The following CAMKMT variants were observed in gnomAD, a reference collection of about 807,000 sequenced individuals.
CAMKMT encodes the protein CaM KMT.
CAMKMT carries 53 observed loss-of-function variants against 48.0 expected under a neutral mutation model. The observed-to-expected ratio is 1.10, with a 90% CI of 0.89 to 1.39. The LOEUF (loss-of-function observed/expected upper bound fraction) is 1.39, where lower values mean the gene tolerates loss of function less well. Among genes scored for constraint, CAMKMT ranks in the 40% most tolerant of loss-of-function variants. CAMKMT has a pLI of 0.00. For synonymous variants in CAMKMT, 165 were observed against 152.3 expected (o/e 1.08, Z -0.61); for missense variants, 428 against 402.7 (o/e 1.06, Z -0.54).
intron 7 of CAMKMT, among the ~76,000 whole-genome samples, chr2:44,726,384 T>C (rs1301722537): frequency 6.6e-6 from 1 of 152,234 alleles, no homozygotes; most frequent in Non-Finnish European, 1.5e-5. Context: ...TAATTAGTGA[T>C]GCTGGCATTT....
chr2:44,657,586 C>T lies in CAMKMT; in HGVS notation c.377-46697C>T, dbSNP rs965442386. Among the ~76,000 whole-genome samples, 3 of 152,084 alleles carry T rather than the reference C, an allele frequency of 2.0e-5. No individual in the cohort carries two copies. The highest frequency in any genetic ancestry group is 2.9e-5 in the Non-Finnish European group (2 of 67,992). ...GAATAGATGGACATAGAACTTTTTT[C>T]GGAACAATTCATGTCCCTGACTACA... On this transcript the variant is annotated intron_variant, in intron 3 of 10. Coordinates refer to ENST00000378494, the MANE Select transcript of CAMKMT (RefSeq NM_024766.5). This position sits in a 1 kb window ranked among gnomAD's most constrained non-coding sequence, Gnocchi z 4.3.
chr2:44,411,234 A>G (rs1215480311), intron 3 of CAMKMT, among the ~76,000 whole-genome samples: 2 of 152,208 alleles, frequency 1.3e-5, no homozygotes, highest in East Asian at 1.9e-4. Context: ...TTTTGTGAGT[A>G]ATATTCTGGC....
At chr2:44,765,241 C>G (rs1466202200) in intron 9 of CAMKMT, among the ~76,000 whole-genome samples, 1 of 151,762 alleles carries the variant, frequency 6.6e-6, no homozygotes, top group Non-Finnish European at 1.5e-5. Flanking sequence ...AAAAAAATGT[C>G]TAAAGGAGAT....
chr2:44,696,891 A>G (rs1676987033), intron 3 of CAMKMT, among the ~76,000 whole-genome samples: 1 of 152,306 alleles, frequency 6.6e-6, no homozygotes, highest in Admixed American at 6.5e-5. Flanking sequence ...TGCTTATAAA[A>G]GAAACATTCA....
At chr2:44,509,005 A>C (rs1670399720) in intron 3 of CAMKMT, among the ~76,000 whole-genome samples, 1 of 151,788 alleles carries the variant, frequency 6.6e-6, no homozygotes, top group Non-Finnish European at 1.5e-5. Flanking sequence ...CTGAGACAGG[A>C]GAATTGCTTG....
At chr2:44,574,411 G>C (rs935341609) in intron 3 of CAMKMT, among the ~76,000 whole-genome samples, 1 of 152,160 alleles carries the variant, frequency 6.6e-6, no homozygotes, top group East Asian at 1.9e-4. Flanking sequence ...GCAGATTTAG[G>C]CTGGCAGGAA....
intron 1 of CAMKMT, among the ~76,000 whole-genome samples, chr2:44,363,706 T>C (rs1006939057): frequency 4.7e-5 from 7 of 149,400 alleles, no homozygotes; most frequent in African/African-American, 1.5e-4. Context: ...TTTTTTTTTT[T>C]CGATACAGAG....
At chr2:44,395,459 A>G (rs1012202918) in intron 3 of CAMKMT, among the ~76,000 whole-genome samples, 1 of 152,172 alleles carries the variant, frequency 6.6e-6, no homozygotes, top group African/African-American at 2.4e-5. Context: ...ATACAGATAT[A>G]TACATATACA....
intron 3 of CAMKMT, among the ~76,000 whole-genome samples, chr2:44,466,186 A>T (rs1234426877): frequency 6.6e-6 from 1 of 152,336 alleles, no homozygotes; most frequent in South Asian, 2.1e-4. Flanking sequence ...TGGATCTAAC[A>T]GATATACAGA....
intron 7 of CAMKMT, among the ~76,000 whole-genome samples, chr2:44,735,087 A>T (rs918475220): frequency 6.6e-6 from 1 of 152,148 alleles, no homozygotes; most frequent in Non-Finnish European, 1.5e-5. Flanking sequence ...TGACCCTTTA[A>T]CATTGTAAAG....
chr2:44,574,041 T>A (rs1440364614), intron 3 of CAMKMT, among the ~76,000 whole-genome samples: 3 of 152,238 alleles, frequency 2.0e-5, no homozygotes, highest in Non-Finnish European at 4.4e-5. Flanking sequence ...AACGTTTGAA[T>A]CTACATATTG....
chr2:44,685,532 T>C (rs890821093), intron 3 of CAMKMT, among the ~76,000 whole-genome samples: 5 of 152,138 alleles, frequency 3.3e-5, no homozygotes, highest in Non-Finnish European at 7.4e-5. Context: ...CATTAACCAG[T>C]ACAAAGCTTA....
At position 44,448,616 on chromosome 2, in the gene CAMKMT, T is replaced by TA. The variant is rs576048909; in HGVS notation, c.376+58318dup. Reference sequence around the variant, plus strand: ...TTGTAAGTTAACCTTACTAATTCTGTAAAAAAAGTCCACCCAACTAAGAAC... The same window carrying TA: ...TTGTAAGTTAACCTTACTAATTCTGTAAAAAAAAGTCCACCCAACTAAGAAC... On this transcript the variant is annotated intron_variant, in intron 3 of 10. Coordinates refer to ENST00000378494, the MANE Select transcript of CAMKMT (RefSeq NM_024766.5). Among the ~76,000 whole-genome samples the TA allele has an allele frequency of 4.6e-5, 7 of 152,302 alleles. No individual in the cohort carries two copies. In the South Asian group the frequency reaches 1.0e-3, roughly 23 times the overall value.
At chr2:44,680,035 T>A (rs1032380208) in intron 3 of CAMKMT, among the ~76,000 whole-genome samples, 6 of 152,212 alleles carry the variant, frequency 3.9e-5, no homozygotes, top group African/African-American at 1.4e-4. Flanking sequence ...TCCTAGCAAA[T>A]GTCTGAAATA....
chr2:44,706,408 C>A (rs1453568292), intron 5 of CAMKMT, 67 bp downstream of exon 5: 1 of 1,503,390 alleles, frequency 6.7e-7, no homozygotes, highest in African/African-American at 1.4e-5. Context: ...TCCAGGGCCT[C>A]CAACTGCTGG....
At chr2:44,716,642 T>C (rs558557559) in intron 7 of CAMKMT, among the ~76,000 whole-genome samples, 1 of 152,316 alleles carries the variant, frequency 6.6e-6, no homozygotes, top group Non-Finnish European at 1.5e-5. Context: ...GGTCTGCCGT[T>C]ACCTGTGGGG....
rs564126337 is a variant in CAMKMT at position 44,571,016 on chromosome 2, A to T, written c.377-133267A>T. ...AAACCACAAGAAACATTTTGATTTA[A>T]AGGTTAGATAGTCTGAATTCATGAG... On this transcript the variant is annotated intron_variant, in intron 3 of 10. Transcript: ENST00000378494. Among the ~76,000 whole-genome samples the T allele has an allele frequency of 2.0e-5, 3 of 152,326 alleles. No homozygotes were observed. In the East Asian group the frequency reaches 5.8e-4, roughly 29 times the overall value.
In CAMKMT at chr2:44,380,187, T is replaced by G. The variant is rs1470169601; in HGVS notation, c.311+7299T>G. 3.3e-5 allele frequency among the ~76,000 whole-genome samples: 5 copies of G among 152,308 alleles called. No homozygotes were observed. In the East Asian group the frequency reaches 9.6e-4, roughly 29 times the overall value. On this transcript the variant is annotated intron_variant, in intron 2 of 10. Coordinates refer to ENST00000378494, the MANE Select transcript of CAMKMT (RefSeq NM_024766.5). ...CAGTCCTTACTCAGCAGGCCATTTT[T>G]AGGAAGAAACTCAAAGTTCCTCAGT... is the stretch of plus-strand genomic sequence containing the variant.
At chr2:44,497,870 A>G (rs2104732318) in intron 3 of CAMKMT, among the ~76,000 whole-genome samples, 1 of 152,236 alleles carries the variant, frequency 6.6e-6, no homozygotes, top group African/African-American at 2.4e-5. Context: ...GGCAGGGTGA[A>G]GTCTTCTTAC....
Sources: allele counts gnomAD v4.1 joint callset (sites outside exome capture counted in the v4.1 genomes callset), GRCh38; gene constraint gnomAD v4.1.1; non-coding constraint Gnocchi (gnomAD v3.1); transcripts MANE v1.5; gene names NCBI Gene and HGNC (gene_info 2026-07-23, HGNC 2026-07-21).